EHBP1: variants seen among roughly 807,000 people sequenced by gnomAD.
EHBP1 encodes the protein EH domain-binding protein 1.
A neutral mutation model predicts 144.0 loss-of-function variants in EHBP1; 55 were observed. The ratio of observed to expected loss-of-function variants is 0.38; its 90% CI spans 0.31 to 0.48. EHBP1 has a LOEUF of 0.48. Among genes scored for constraint, EHBP1 ranks in the 20% least tolerant of loss-of-function variants. The probability of loss-of-function intolerance (pLI) is 0.98; values close to 1 mark genes in which losing one functional copy is unlikely to be tolerated. For missense variants in EHBP1, 1,200 were observed against 1,364.2 expected (o/e 0.88, Z 1.90); for synonymous variants, 469 against 472.7 (o/e 0.99, Z 0.10).
intron 10 of EHBP1, among the ~76,000 whole-genome samples, chr2:62,922,478 C>T (rs1364714164): frequency 6.6e-6 from 1 of 152,050 alleles, no homozygotes; most frequent in Non-Finnish European, 1.5e-5. Flanking sequence ...GACACAAATA[C>T]GTTGAAAGTG....
chr2:62,966,424 G>C (rs536807308), intron 14 of EHBP1, among the ~76,000 whole-genome samples: 3 of 152,204 alleles, frequency 2.0e-5, no homozygotes, highest in Admixed American at 6.5e-5. Flanking sequence ...ATTTGTGTTT[G>C]GGGTACCTTT....
At chr2:62,678,040 T>A (rs949633486) in intron 1 of EHBP1, among the ~76,000 whole-genome samples, 1 of 152,180 alleles carries the variant, frequency 6.6e-6, no homozygotes, top group African/African-American at 2.4e-5. Context: ...CTATTTAAGT[T>A]TTTTTGAGGA....
intron 2 of EHBP1, among the ~76,000 whole-genome samples, chr2:62,720,947 T>G (rs191744706): frequency 1.3e-5 from 2 of 152,302 alleles, no homozygotes; most frequent in African/African-American, 2.4e-5. Context: ...TCACCCAGCT[T>G]TTTTTGGGTA....
intron 4 of EHBP1, among the ~76,000 whole-genome samples, chr2:62,767,833 C>CAAA (rs1208266767): frequency 2.6e-5 from 2 of 76,410 alleles, no homozygotes; most frequent in Non-Finnish European, 4.8e-5. Flanking sequence ...AAGACTCTGT[C>CAAA]AAAAAAAAAA....
At chr2:62,894,585 A>T (rs2052727990) in intron 10 of EHBP1, among the ~76,000 whole-genome samples, 1 of 152,200 alleles carries the variant, frequency 6.6e-6, no homozygotes, top group Non-Finnish European at 1.5e-5. Context: ...GACCATGAGC[A>T]CTACTAGTGT....
chr2:62,894,214 G>A (rs965529183), intron 10 of EHBP1, among the ~76,000 whole-genome samples: 1 of 152,140 alleles, frequency 6.6e-6, no homozygotes, highest in Non-Finnish European at 1.5e-5. Context: ...TCTTTAGCAA[G>A]CCCAAAAACT....
At chr2:63,018,589 C>A (rs947340982) in intron 19 of EHBP1, among the ~76,000 whole-genome samples, 1 of 152,154 alleles carries the variant, frequency 6.6e-6, no homozygotes, top group African/African-American at 2.4e-5. Flanking sequence ...TCACTGGATG[C>A]CCCAACTTTT....
chr2:62,846,567 C>T (rs1248335357), intron 7 of EHBP1, among the ~76,000 whole-genome samples: 3 of 151,996 alleles, frequency 2.0e-5, no homozygotes, highest in Non-Finnish European at 4.4e-5. Flanking sequence ...ATACTTTTCC[C>T]CTAAGATTGG....
chr2:62,864,877 C>T lies in EHBP1; in HGVS notation c.904C>T (p.Pro302Ser), dbSNP rs151230553. 79 of 1,613,900 alleles carry T rather than the reference C, an allele frequency of 4.9e-5. No homozygotes were observed. The highest frequency in any genetic ancestry group is 9.3e-6 in the Non-Finnish European group (11 of 1,179,986). The stretch of plus-strand genomic sequence containing the variant: ...ATTTGTGACCATAAAGGATTCTCCT[C>T]CCCAGTCTACAAAAAGAAAAAATAT... ...EAFVTIKDSP[P>S]QSTKRKNIRP... is the part of the protein sequence containing the mutation. The change falls in exon 9 of 23, where the codon CCC becomes TCC. Residue 302 changes from proline (P) to serine (S), a missense_variant. Coordinates refer to ENST00000431489, the MANE Select transcript of EHBP1 (RefSeq NM_001142616.3).
intron 11 of EHBP1, 67 bp from the exon 12 acceptor site, chr2:62,943,735 G>A: frequency 1.8e-6 from 2 of 1,123,476 alleles, no homozygotes; most frequent in Non-Finnish European, 2.5e-6. Flanking sequence ...TTTAGATTCA[G>A]TTTGTTTTAA....
At chr2:62,745,418 A>G (rs1457803169) in intron 2 of EHBP1, among the ~76,000 whole-genome samples, 1 of 152,014 alleles carries the variant, frequency 6.6e-6, no homozygotes, top group East Asian at 1.9e-4. Context: ...AGGAGATGAC[A>G]TGAGAAATGG....
At chr2:62,681,963 T>C (rs778493528) in intron 1 of EHBP1, among the ~76,000 whole-genome samples, 15 of 152,204 alleles carry the variant, frequency 9.9e-5, no homozygotes, top group Non-Finnish European at 1.5e-4. Flanking sequence ...ATGAAGTTAT[T>C]GGATTGAATG....
At chr2:62,979,517 A>C (rs1048527809) in intron 15 of EHBP1, among the ~76,000 whole-genome samples, 182 bp downstream of exon 15, 7 of 152,232 alleles carry the variant, frequency 4.6e-5, no homozygotes, top group Non-Finnish European at 1.0e-4. Flanking sequence ...GCTGCTTTCC[A>C]CATCAACTTT....
intron 2 of EHBP1, among the ~76,000 whole-genome samples, chr2:62,739,796 TGTG>T (rs1327312211): frequency 1.9e-4 from 29 of 151,780 alleles, no homozygotes; most frequent in Non-Finnish European, 5.9e-5. Flanking sequence ...AATTAGCTGT[TGTG>T]GTGGCATGTG....
At chr2:62,684,269 A>G (rs984403491) in intron 1 of EHBP1, among the ~76,000 whole-genome samples, 9 of 152,108 alleles carry the variant, frequency 5.9e-5, no homozygotes, top group Admixed American at 4.6e-4. Context: ...AGATGCGACA[A>G]TAAGTATCAA....
intron 10 of EHBP1, among the ~76,000 whole-genome samples, chr2:62,896,313 GGACAGTGATGTTATACAAGTCAGAGA>G (rs1302687005): frequency 1.3e-5 from 2 of 152,146 alleles, no homozygotes; most frequent in Admixed American, 6.6e-5. Flanking sequence ...GTGAGCAAGG[GGACAGTGATGTTATACAAGTCAGAGA>G]ACGTAGGCAC....
chr2:63,026,751 A>T (rs556256614), intron 19 of EHBP1, among the ~76,000 whole-genome samples: 1 of 152,316 alleles, frequency 6.6e-6, no homozygotes, highest in East Asian at 1.9e-4. Context: ...AAGAAATCAT[A>T]TACCAACCTA....
chr2:62,724,919 C>T (rs2036601220), intron 2 of EHBP1, among the ~76,000 whole-genome samples: 1 of 152,214 alleles, frequency 6.6e-6, no homozygotes, highest in African/African-American at 2.4e-5. Flanking sequence ...TGCCTTCTCT[C>T]AACTTGTGTA....
chr2:62,762,805 GT>G (rs1477681503), intron 3 of EHBP1, among the ~76,000 whole-genome samples: 1 of 152,068 alleles, frequency 6.6e-6, no homozygotes, highest in Non-Finnish European at 1.5e-5. Flanking sequence ...TTTGGAACCT[GT>G]TCTCAAAACA....
Sources: gnomAD v4.1 joint callset for allele counts (sites outside exome capture counted in the v4.1 genomes callset) on GRCh38, gnomAD v4.1.1 for gene constraint, MANE v1.5 for transcripts, NCBI Gene and HGNC (gene_info 2026-07-23, HGNC 2026-07-21) for gene names.